SEMA3E: variants seen among roughly 807,000 people sequenced by gnomAD.
SEMA3E encodes semaphorin 3E.
Under a neutral mutation model 93.6 loss-of-function variants are expected in SEMA3E, and 49 were observed. The ratio of observed to expected loss-of-function variants is 0.52; its 90% CI spans 0.42 to 0.66. SEMA3E has a LOEUF of 0.66. SEMA3E is among the 30% of genes least tolerant of loss of function. SEMA3E has a pLI of 0.00. For synonymous variants in SEMA3E, 363 were observed against 330.7 expected (o/e 1.10, Z -1.06); for missense variants, 906 against 964.8 (o/e 0.94, Z 0.81).
chr7:83,545,323 C>G (rs1489395057), intron 1 of SEMA3E, among the ~76,000 whole-genome samples: 2 of 151,966 alleles, frequency 1.3e-5, no homozygotes, highest in Non-Finnish European at 2.9e-5. Context: ...GGGGCCATGC[C>G]TTCCCCCAGT....
chr7:83,404,866 AAT>A (rs1256666613), intron 9 of SEMA3E, among the ~76,000 whole-genome samples: 14 of 152,044 alleles, frequency 9.2e-5, no homozygotes, highest in African/African-American at 3.4e-4. Context: ...AACTGATTTA[AAT>A]CAGTGTTGGA....
chr7:83,541,385 A>G (rs1451966490), intron 1 of SEMA3E, among the ~76,000 whole-genome samples: 1 of 152,190 alleles, frequency 6.6e-6, no homozygotes, highest in Non-Finnish European at 1.5e-5. Flanking sequence ...TGAATCAATA[A>G]ACAAATAAAA....
intron 1 of SEMA3E, among the ~76,000 whole-genome samples, chr7:83,574,201 G>A (rs973602966): frequency 2.0e-5 from 3 of 152,048 alleles, no homozygotes; most frequent in East Asian, 3.9e-4. Context: ...CTGTCTGAAG[G>A]ACATCTCAAG....
At chr7:83,625,916 G>A (rs1584373142) in intron 1 of SEMA3E, among the ~76,000 whole-genome samples, 1 of 152,108 alleles carries the variant, frequency 6.6e-6, no homozygotes, top group African/African-American at 2.4e-5. Flanking sequence ...TTAGCATGAA[G>A]GGGTGTTGAA....
chr7:83,598,089 G>T (rs141098195), intron 1 of SEMA3E, among the ~76,000 whole-genome samples: 4 of 152,248 alleles, frequency 2.6e-5, no homozygotes, highest in African/African-American at 9.6e-5. Context: ...GTTTCCAAAG[G>T]TTCTCACATA....
At chr7:83,454,973 CAG>C (rs1789451983) in intron 4 of SEMA3E, among the ~76,000 whole-genome samples, 1 of 152,106 alleles carries the variant, frequency 6.6e-6, no homozygotes, top group South Asian at 2.1e-4. Context: ...TACATATTTT[CAG>C]AGAGATTTGT....
chr7:83,647,057 C>T (rs1052103154), intron 1 of SEMA3E, among the ~76,000 whole-genome samples: 6 of 152,034 alleles, frequency 3.9e-5, no homozygotes, highest in Non-Finnish European at 8.8e-5. Flanking sequence ...CATTTTGATA[C>T]ATACCATGAT....
At chr7:83,523,585 G>T (rs1181479972) in intron 1 of SEMA3E, among the ~76,000 whole-genome samples, 1 of 151,876 alleles carries the variant, frequency 6.6e-6, no homozygotes, top group Non-Finnish European at 1.5e-5. Flanking sequence ...TAGCCATTCT[G>T]CCATCTTCAA....
At chr7:83,447,120 T>A (rs976276010) in intron 4 of SEMA3E, among the ~76,000 whole-genome samples, 2 of 152,208 alleles carry the variant, frequency 1.3e-5, no homozygotes, top group Non-Finnish European at 2.9e-5. Flanking sequence ...GCTTGTTAAT[T>A]TTGTTCCAGG....
At chr7:83,637,065 ACTT>A (rs1476816278) in intron 1 of SEMA3E, among the ~76,000 whole-genome samples, 2 of 147,766 alleles carry the variant, frequency 1.4e-5, no homozygotes, top group African/African-American at 2.5e-5. Context: ...TGTGTGTGAA[ACTT>A]CTTATTTTAA....
chr7:83,497,835 T>C (rs1790518954), intron 1 of SEMA3E, among the ~76,000 whole-genome samples: 1 of 152,186 alleles, frequency 6.6e-6, no homozygotes, highest in Admixed American at 6.5e-5. Flanking sequence ...AGTTGCTCAG[T>C]CATAAACCAC....
intron 5 of SEMA3E, among the ~76,000 whole-genome samples, chr7:83,416,074 A>G (rs1788532909): frequency 6.6e-6 from 1 of 152,012 alleles, no homozygotes; most frequent in Non-Finnish European, 1.5e-5. Flanking sequence ...CCTCTCTTTT[A>G]AAGAGTTTCT....
In SEMA3E at chr7:83,364,693, A is replaced by G. The variant is rs1179407553; in HGVS notation, c.*2893T>C. The G allele has an allele frequency of 6.6e-6, 1 of 152,242 alleles. No homozygotes were observed. Among genetic ancestry groups the G allele is most frequent in the Non-Finnish European group, 1.5e-5 (1 of 68,036 alleles). 9.4% of individuals were successfully genotyped at this position (152,242 alleles called of 1,614,324 possible). A position where few individuals can be genotyped will look rare whatever the true frequency, so the allele number is the denominator to read the frequency against. ...TTTTATGTCAAAACTAAGTCTATCC[A>G]CAGGTCCTCTCCTGTAACAAAGATA... On this transcript the variant is annotated 3_prime_UTR_variant, in exon 17 of 17. Transcript: ENST00000643230.
intron 1 of SEMA3E, among the ~76,000 whole-genome samples, chr7:83,561,436 A>C (rs1792027926): frequency 6.6e-6 from 1 of 152,028 alleles, no homozygotes; most frequent in Non-Finnish European, 1.5e-5. Context: ...AGGTTTTTGC[A>C]AACACTTCAA....
Position 83,620,645 on chromosome 7 carries a change from C to T in SEMA3E, c.115+27783G>A, listed in dbSNP as rs150372221. 1.4e-3 allele frequency among the ~76,000 whole-genome samples: 207 copies of T among 152,194 alleles called. 1 individual carries two copies. The highest frequency in any genetic ancestry group is 4.5e-3 in the African/African-American group (187 of 41,540). On this transcript the variant is annotated intron_variant, in intron 1 of 16. Coordinates refer to ENST00000643230, the MANE Select transcript of SEMA3E (RefSeq NM_012431.3). ...CCAGCAGTCCATCAAAAAGCTTATC[C>T]ACTATGATAAACTTGGCTTCATCAG...
chr7:83,372,370 T>C (rs191320951), intron 16 of SEMA3E: 2 of 397,452 alleles, frequency 5.0e-6, no homozygotes, highest in East Asian at 7.2e-5. Flanking sequence ...GAGTGAATAA[T>C]ACATGAGAAA....
At chr7:83,470,291 C>T (rs1379361161) in intron 2 of SEMA3E, among the ~76,000 whole-genome samples, 2 of 152,056 alleles carry the variant, frequency 1.3e-5, no homozygotes, top group Non-Finnish European at 2.9e-5. Flanking sequence ...TTAACTGGTT[C>T]CACAAATTTC....
At chr7:83,425,525 T>C (rs1788752078) in intron 4 of SEMA3E, among the ~76,000 whole-genome samples, 1 of 152,200 alleles carries the variant, frequency 6.6e-6, no homozygotes, top group Non-Finnish European at 1.5e-5. Flanking sequence ...TGTGAATTTT[T>C]TCTCATCCTC....
chr7:83,509,958 C>G (rs1219827424), intron 1 of SEMA3E, among the ~76,000 whole-genome samples: 1 of 152,028 alleles, frequency 6.6e-6, no homozygotes, highest in Non-Finnish European at 1.5e-5. Context: ...TTACTTAATC[C>G]CAAGTCAATA....
Sources: allele counts gnomAD v4.1 joint callset (sites outside exome capture counted in the v4.1 genomes callset), GRCh38; gene constraint gnomAD v4.1.1; transcripts MANE v1.5; gene names NCBI Gene and HGNC (gene_info 2026-07-23, HGNC 2026-07-21).